SEMA5A: variants seen among roughly 807,000 people sequenced by gnomAD.
SEMA5A encodes semaphorin-5A.
In SEMA5A, 55 loss-of-function variants were observed where a neutral mutation model predicts 135.5. The ratio of observed to expected loss-of-function variants is 0.41; its 90% CI spans 0.33 to 0.51. The LOEUF (loss-of-function observed/expected upper bound fraction) is 0.51. SEMA5A is among the 20% of genes least tolerant of loss of function. SEMA5A has a pLI of 0.37. For missense variants in SEMA5A, 1,290 were observed against 1,419.9 expected (o/e 0.91, Z 1.47); for synonymous variants, 580 against 546.5 (o/e 1.06, Z -0.85).
chr5:9,124,351 G>A (rs1740990583), intron 13 of SEMA5A, among the ~76,000 whole-genome samples: 3 of 152,318 alleles, frequency 2.0e-5, no homozygotes, highest in Non-Finnish European at 2.9e-5. Flanking sequence ...GCTGCTGGAA[G>A]GAGAGACTCA....
chr5:9,091,853 G>T (rs1234079265), intron 16 of SEMA5A, among the ~76,000 whole-genome samples: 1 of 152,142 alleles, frequency 6.6e-6, no homozygotes. Context: ...CCATTTGTAT[G>T]ACAGTCCTGT....
rs555749125 is a variant in SEMA5A at position 9,401,487 on chromosome 5, A to G, written c.-77-21464T>C. Among the ~76,000 whole-genome samples, 9 of 152,248 alleles carry G rather than the reference A, an allele frequency of 5.9e-5. No homozygotes were observed. In the South Asian group the frequency reaches 1.9e-3, roughly 32 times the overall value. On this transcript the variant is annotated intron_variant, in intron 2 of 22. Transcript: ENST00000382496. ...GCCTCAATCTTATGACACCTGTGCA[A>G]TTACAATGACTCAGCATCCCCGTGT...
At chr5:9,214,788 T>G (rs1746523594) in intron 8 of SEMA5A, among the ~76,000 whole-genome samples, 1 of 152,204 alleles carries the variant, frequency 6.6e-6, no homozygotes, top group Non-Finnish European at 1.5e-5. Flanking sequence ...AGCACTCATT[T>G]CTGCCATCCT....
chr5:9,045,478 A>G (rs1411718091), intron 21 of SEMA5A, among the ~76,000 whole-genome samples: 1 of 152,224 alleles, frequency 6.6e-6, no homozygotes, highest in East Asian at 1.9e-4. Flanking sequence ...TAGAAAGTAC[A>G]AAAGGGTCTA....
chr5:9,152,974 A>G (rs1329821367), intron 12 of SEMA5A, among the ~76,000 whole-genome samples: 1 of 152,144 alleles, frequency 6.6e-6, no homozygotes, highest in African/African-American at 2.4e-5. Context: ...AGGCTGAGGA[A>G]AGAGAATCGC....
intron 2 of SEMA5A, among the ~76,000 whole-genome samples, chr5:9,431,164 T>C (rs1442248003): frequency 6.6e-6 from 1 of 152,076 alleles, no homozygotes; most frequent in Non-Finnish European, 1.5e-5. Context: ...AACATCACTG[T>C]AGTAAGGAGG....
chr5:9,132,930 A>G (rs1384225301), intron 13 of SEMA5A, among the ~76,000 whole-genome samples: 1 of 152,232 alleles, frequency 6.6e-6, no homozygotes, highest in Admixed American at 6.5e-5. Flanking sequence ...TCTATGATCT[A>G]TATACGTAGA....
At chr5:9,302,551 C>A (rs920969101) in intron 5 of SEMA5A, among the ~76,000 whole-genome samples, 3 of 152,168 alleles carry the variant, frequency 2.0e-5, no homozygotes, top group African/African-American at 7.2e-5. Flanking sequence ...TTCATGTGTT[C>A]ATTATGCTCA....
chr5:9,494,468 G>A (rs1735199241), intron 1 of SEMA5A, among the ~76,000 whole-genome samples: 2 of 151,994 alleles, frequency 1.3e-5, no homozygotes, highest in South Asian at 2.1e-4. Flanking sequence ...GATAATTATC[G>A]AGGTCAGTGG....
Position 9,389,176 on chromosome 5 carries a change from G to T in SEMA5A, c.-77-9153C>A, listed in dbSNP as rs186376378. On this transcript the variant is annotated intron_variant, in intron 2 of 22. Coordinates refer to ENST00000382496, the MANE Select transcript of SEMA5A (RefSeq NM_003966.3). The stretch of plus-strand genomic sequence containing the variant: ...TGACATCCTGTCTTCCCTGGATTCT[G>T]TAACTCCCCAATCTCTCTGTATTTA... 1.9e-3 allele frequency among the ~76,000 whole-genome samples: 294 copies of T among 152,164 alleles called. 7 individuals carry two copies. Among genetic ancestry groups the T allele is most frequent in the Admixed American group, 0.019 (285 of 15,288 alleles).
chr5:9,153,611 A>AG (rs11435553), intron 12 of SEMA5A, among the ~76,000 whole-genome samples: 58,496 of 150,520 alleles, frequency 0.39, 13,999 homozygotes, highest in Non-Finnish European at 0.55. Flanking sequence ...GTGGCGGGGG[A>AG]GGGGGGGGTG....
intron 16 of SEMA5A, among the ~76,000 whole-genome samples, chr5:9,071,830 T>TTTA (rs1737784605): frequency 6.6e-6 from 1 of 152,212 alleles, no homozygotes; most frequent in African/African-American, 2.4e-5. Flanking sequence ...TCTCTTTCAG[T>TTTA]AACTAAGCTT....
rs771784290 is a variant in SEMA5A, at chr5:9,197,175, T to TG, written c.1060dup (p.His354ProfsTer31). ...TTGCCCCCCGAAAATTACCTGGAAG[T>TG]GGGGGTTTGGGTTGGGATACGGTAG... On this transcript the variant is annotated frameshift_variant, in exon 10 of 23. Transcript: ENST00000382496. LOFTEE classifies it high-confidence loss of function. 1.2e-6 allele frequency: 2 copies of TG among 1,613,918 alleles called. No homozygotes were observed. Among genetic ancestry groups the TG allele is most frequent in the Admixed American group, 1.7e-5 (1 of 60,002 alleles).
intron 1 of SEMA5A, among the ~76,000 whole-genome samples, chr5:9,451,654 G>A (rs1758649465): frequency 6.6e-6 from 1 of 152,104 alleles, no homozygotes; most frequent in Non-Finnish European, 1.5e-5. Flanking sequence ...ATCCCTTCAG[G>A]TTAGATTTCT....
intron 5 of SEMA5A, among the ~76,000 whole-genome samples, chr5:9,305,690 T>G (rs1751825126): frequency 1.5e-5 from 2 of 136,296 alleles, no homozygotes; most frequent in East Asian, 4.2e-4. Flanking sequence ...ATACAGTATA[T>G]ATACTGTGTG....
At chr5:9,185,985 G>C (rs73044733) in intron 11 of SEMA5A, among the ~76,000 whole-genome samples, 1 of 152,124 alleles carries the variant, frequency 6.6e-6, no homozygotes, top group South Asian at 2.1e-4. Context: ...TCAAGTAAGG[G>C]AGAAACTCCC....
intron 1 of SEMA5A, among the ~76,000 whole-genome samples, chr5:9,492,841 T>C (rs1735091677): frequency 6.6e-6 from 1 of 151,938 alleles, no homozygotes; most frequent in Non-Finnish European, 1.5e-5. Context: ...GTAAAAAGAT[T>C]GGTGGTTGCC....
chr5:9,229,071 G>A (rs929856304), intron 6 of SEMA5A, among the ~76,000 whole-genome samples: 3 of 152,180 alleles, frequency 2.0e-5, no homozygotes, highest in African/African-American at 7.2e-5. Context: ...GATTACAGGT[G>A]CGAGCACCAC....
intron 1 of SEMA5A, among the ~76,000 whole-genome samples, chr5:9,519,386 G>A (rs1216483418): frequency 2.0e-5 from 3 of 152,208 alleles, no homozygotes; most frequent in Non-Finnish European, 2.9e-5. Context: ...CATCAACAGC[G>A]AAGTATGTCC....
Sources: allele counts gnomAD v4.1 joint callset (sites outside exome capture counted in the v4.1 genomes callset), GRCh38; gene constraint gnomAD v4.1.1; transcripts MANE v1.5; gene names NCBI Gene and HGNC (gene_info 2026-07-23, HGNC 2026-07-21).